The following HERPUD2 variants were observed in gnomAD, a reference collection of about 807,000 sequenced individuals.
HERPUD2 encodes the protein HERPUD family member 2.
A neutral mutation model predicts 49.9 loss-of-function variants in HERPUD2; 13 were observed. The ratio of observed to expected loss-of-function variants is 0.26; its 90% CI spans 0.17 to 0.41. The LOEUF is 0.41. HERPUD2 is among the 10% of genes least tolerant of loss of function. The pLI, the probability that HERPUD2 is intolerant of heterozygous loss-of-function variation, is 1.00. For synonymous variants in HERPUD2, 172 were observed against 171.4 expected (o/e 1.00, Z -0.03); for missense variants, 449 against 492.2 (o/e 0.91, Z 0.83).
intron 5 of HERPUD2, among the ~76,000 whole-genome samples, chr7:35,664,903 C>CA (rs1193586608): frequency 6.7e-6 from 1 of 150,334 alleles, no homozygotes; most frequent in Non-Finnish European, 1.5e-5. Context: ...CTCGACTCGT[C>CA]AAAGTCATTC....
At chr7:35,683,605 A>C (rs1236751082) in intron 2 of HERPUD2, among the ~76,000 whole-genome samples, 1 of 152,258 alleles carries the variant, frequency 6.6e-6, no homozygotes, top group African/African-American at 2.4e-5. Flanking sequence ...TCTGCATAGC[A>C]AAAGGAATAG....
chr7:35,685,784 T>A (rs1234485934), intron 2 of HERPUD2, among the ~76,000 whole-genome samples: 1 of 151,824 alleles, frequency 6.6e-6, no homozygotes, highest in African/African-American at 2.4e-5. Flanking sequence ...TCCAGACCAG[T>A]CTGGCCAACA....
intron 2 of HERPUD2, among the ~76,000 whole-genome samples, chr7:35,686,606 C>T (rs111587412): frequency 6.1e-5 from 8 of 130,858 alleles, no homozygotes; most frequent in African/African-American, 2.3e-4. Context: ...GTAGTCCCAG[C>T]TACTTGGGAG....
At chr7:35,639,276 C>T (rs553465689) in intron 5 of HERPUD2, among the ~76,000 whole-genome samples, 17 of 151,982 alleles carry the variant, frequency 1.1e-4, no homozygotes, top group East Asian at 1.9e-4. Context: ...TCAGGTGATC[C>T]GCCCGCCTTG....
intron 5 of HERPUD2, among the ~76,000 whole-genome samples, chr7:35,640,156 G>A (rs1368029419): frequency 6.6e-5 from 10 of 152,172 alleles, no homozygotes; most frequent in Admixed American, 6.5e-4. Context: ...GTACAACTCA[G>A]CATTTACACC....
At chr7:35,656,539 G>T (rs1246599904) in intron 5 of HERPUD2, among the ~76,000 whole-genome samples, 1 of 152,096 alleles carries the variant, frequency 6.6e-6, no homozygotes, top group Admixed American at 6.5e-5. Flanking sequence ...AAAGCTGGAG[G>T]CATCACACAA....
rs1316753202 is a variant in HERPUD2, at chr7:35,635,291, T to C, written c.785A>G (p.Gln262Arg). 1 of 1,614,084 alleles carries C rather than the reference T, an allele frequency of 6.2e-7. No individual in the cohort carries two copies. Among genetic ancestry groups the C allele is most frequent in the African/African-American group, 1.3e-5 (1 of 74,920 alleles). Residue 262 changes from glutamine (Q) to arginine (R), a missense_variant, in exon 7 of 9, where the codon CAG becomes CGG. Gln to Arg is a conservative substitution (Grantham distance 43). Transcript: ENST00000311350. ...TTCTTCATTTAGTACTGGACCTCCC[T>C]GTGCATTCATTTGAACATTCTCATT... is the stretch of plus-strand genomic sequence containing the variant. ...PMNENVQMNA[Q>R]GGPVLNEEDF...
intron 5 of HERPUD2, among the ~76,000 whole-genome samples, chr7:35,658,783 A>C (rs1204482984): frequency 1.3e-5 from 2 of 152,248 alleles, no homozygotes; most frequent in Admixed American, 6.5e-5. Flanking sequence ...GTCCAAAAAC[A>C]GTCAAGACTT....
At chr7:35,639,017 G>C (rs201082666) in intron 5 of HERPUD2, among the ~76,000 whole-genome samples, 1 of 151,712 alleles carries the variant, frequency 6.6e-6, no homozygotes, top group African/African-American at 2.4e-5. Context: ...TCTTAAAGTA[G>C]GTTAAAATTT....
intron 5 of HERPUD2, among the ~76,000 whole-genome samples, chr7:35,664,398 G>A (rs1017282673): frequency 5.9e-5 from 9 of 152,108 alleles, no homozygotes; most frequent in African/African-American, 1.9e-4. Flanking sequence ...GAGTATCTTT[G>A]TGGTGTTCTC....
At position 35,694,377 on chromosome 7, in the gene HERPUD2, C is replaced by CA; in HGVS notation, c.-48dup. 1 of 1,610,602 alleles carries CA rather than the reference C, an allele frequency of 6.2e-7. No homozygotes were observed. Among genetic ancestry groups the CA allele is most frequent in the Non-Finnish European group, 8.5e-7 (1 of 1,177,328 alleles). On this transcript the variant is annotated 5_prime_UTR_variant, in exon 2 of 9. Coordinates refer to ENST00000311350, the MANE Select transcript of HERPUD2 (RefSeq NM_022373.5). Reference sequence around the variant, plus strand: ...AGTCCAGAGGAGCGGCAGTTAAGCCCAAAAGAGCCGAGATGGTCACCGCCG... The same window carrying CA: ...AGTCCAGAGGAGCGGCAGTTAAGCCCAAAAAGAGCCGAGATGGTCACCGCCG...
chr7:35,647,361 G>C (rs966806762), intron 5 of HERPUD2, among the ~76,000 whole-genome samples: 17 of 152,056 alleles, frequency 1.1e-4, no homozygotes, highest in African/African-American at 4.1e-4. Context: ...CATTTTTTTC[G>C]AGGCCATGAC....
intron 5 of HERPUD2, among the ~76,000 whole-genome samples, chr7:35,664,089 G>A (rs1395345008): frequency 2.6e-5 from 4 of 152,136 alleles, no homozygotes; most frequent in African/African-American, 9.7e-5. Flanking sequence ...GGCAGGCCTG[G>A]TTGTGACAAA....
intron 2 of HERPUD2, among the ~76,000 whole-genome samples, chr7:35,673,958 C>T (rs1479542323): frequency 2.0e-5 from 3 of 152,052 alleles, no homozygotes; most frequent in African/African-American, 2.4e-5. Flanking sequence ...TATGAAATTA[C>T]GTAAAATTAA....
chr7:35,684,403 A>C (rs974211922), intron 2 of HERPUD2, among the ~76,000 whole-genome samples: 1 of 125,728 alleles, frequency 8.0e-6, no homozygotes, highest in Non-Finnish European at 1.7e-5. Flanking sequence ...AAAGAAAAAG[A>C]AAAAAAAAAA....
chr7:35,646,918 G>C (rs914366612), intron 5 of HERPUD2, among the ~76,000 whole-genome samples: 6 of 151,640 alleles, frequency 4.0e-5, no homozygotes, highest in Admixed American at 3.9e-4. Flanking sequence ...ACAGAAAAAA[G>C]GGAGCAAGGC....
chr7:35,681,198 A>T (rs926994787), intron 2 of HERPUD2, among the ~76,000 whole-genome samples: 1 of 152,236 alleles, frequency 6.6e-6, no homozygotes, highest in African/African-American at 2.4e-5. Flanking sequence ...TTAATAGTCA[A>T]CTTTGAATAA....
chr7:35,671,618 T>C lies in HERPUD2; in HGVS notation c.226-1290A>G, dbSNP rs142775799. Among the ~76,000 whole-genome samples the C allele has an allele frequency of 6.2e-4, 95 of 152,162 alleles. 3 individuals carry two copies. The highest frequency in any genetic ancestry group is 3.9e-4 in the East Asian group (2 of 5,188). ...TTCTATAAAACATTTTGTGACTAAA[T>C]AGGTAAAGCTAATGGCAGTATTTAA... On this transcript the variant is annotated intron_variant, in intron 3 of 8. Coordinates refer to ENST00000311350, the MANE Select transcript of HERPUD2 (RefSeq NM_022373.5).
Position 35,670,203 on chromosome 7 carries a change from A to T in HERPUD2, c.339+12T>A, listed in dbSNP as rs1785614613. On this transcript the variant is annotated intron_variant, in intron 4 of 8. Coordinates refer to ENST00000311350, the MANE Select transcript of HERPUD2 (RefSeq NM_022373.5). ...GAAAAGTTCAATGTTTACTCCTCCCAAAACAACTCACAGAATTGCTGCTGG... is the reference window on the plus strand; with the variant it reads ...GAAAAGTTCAATGTTTACTCCTCCCTAAACAACTCACAGAATTGCTGCTGG... The T allele has an allele frequency of 7.1e-7, 1 of 1,411,790 alleles. No homozygotes were observed. Among genetic ancestry groups the T allele is most frequent in the Non-Finnish European group, 9.7e-7 (1 of 1,025,714 alleles). The allele number at this position is 1,411,790 out of a possible 1,614,324, so 87.5% of individuals were successfully genotyped here. A position where few individuals can be genotyped will look rare whatever the true frequency, so the allele number is the denominator to read the frequency against.
Sources: gnomAD v4.1 joint callset for allele counts (sites outside exome capture counted in the v4.1 genomes callset) on GRCh38, gnomAD v4.1.1 for gene constraint, MANE v1.5 for transcripts, NCBI Gene and HGNC (gene_info 2026-07-23, HGNC 2026-07-21) for gene names.